Variants in LRPPRC observed in about 807,000 individuals in gnomAD.
LRPPRC encodes the protein leucine rich pentatricopeptide repeat containing, also known as leucine-rich PPR motif-containing protein, mitochondrial.
LRPPRC carries 120 observed loss-of-function variants against 180.3 expected under a neutral mutation model. The observed-to-expected ratio is 0.67, with a 90% CI of 0.57 to 0.77. LRPPRC has a LOEUF of 0.77. Among genes scored for constraint, LRPPRC ranks in the 30% least tolerant of loss-of-function variants. The pLI, the probability that LRPPRC is intolerant of heterozygous loss-of-function variation, is 0.00. For missense variants in LRPPRC, 2,012 were observed against 1,657.2 expected, an observed-to-expected ratio of 1.21 and a Z score of -3.72; for synonymous variants, 723 against 600.0, an observed-to-expected ratio of 1.21 and a Z score of -3.00.
intron 20 of LRPPRC, among the ~76,000 whole-genome samples, chr2:43,946,676 TATAATC>T (rs1486081460): frequency 2.0e-5 from 3 of 152,000 alleles, no homozygotes; most frequent in Admixed American, 1.3e-4. Context: ...AGTAGCAGAT[TATAATC>T]ATAAAGTTAG....
At chr2:43,890,822 T>C (rs759656927) in intron 36 of LRPPRC, among the ~76,000 whole-genome samples, 9 of 152,356 alleles carry the variant, frequency 5.9e-5, no homozygotes, top group Non-Finnish European at 1.2e-4. Context: ...GGCTCTCTAC[T>C]TGTGGCTGAT....
chr2:43,913,986 T>C (rs1671354175), intron 29 of LRPPRC, among the ~76,000 whole-genome samples: 1 of 152,232 alleles, frequency 6.6e-6, no homozygotes, highest in South Asian at 2.1e-4. Context: ...AAGACTTTTA[T>C]TTACTTATTA....
At chr2:43,987,411 C>G (rs1457489413) in intron 1 of LRPPRC, among the ~76,000 whole-genome samples, 1 of 143,202 alleles carries the variant, frequency 7.0e-6, no homozygotes, top group Non-Finnish European at 1.5e-5. Context: ...AGGAGAATGG[C>G]GTTAACCCAG....
At chr2:43,926,543 T>A (rs7559561) in intron 25 of LRPPRC, among the ~76,000 whole-genome samples, 1 of 151,922 alleles carries the variant, frequency 6.6e-6, no homozygotes, top group African/African-American at 2.4e-5. Flanking sequence ...AATTTTTGTA[T>A]TTTTAGTAGA....
intron 14 of LRPPRC, among the ~76,000 whole-genome samples, chr2:43,951,736 T>A (rs1672910355): frequency 6.6e-6 from 1 of 152,182 alleles, no homozygotes; most frequent in Non-Finnish European, 1.5e-5. Flanking sequence ...CGTGAAGGTT[T>A]AAAAATTCCA....
chr2:43,905,100 T>C (rs948130425), intron 31 of LRPPRC, among the ~76,000 whole-genome samples: 2 of 152,224 alleles, frequency 1.3e-5, no homozygotes, highest in Non-Finnish European at 2.9e-5. Flanking sequence ...TGTCATTCTC[T>C]TAACATTAAT....
intron 3 of LRPPRC, 91 bp downstream of exon 3, chr2:43,979,735 G>T: frequency 8.7e-7 from 1 of 1,150,378 alleles, no homozygotes; most frequent in Non-Finnish European, 1.3e-6. Flanking sequence ...CCATAAAACT[G>T]AATTACAGCA....
chr2:43,901,281 A>C (rs1390484663), intron 32 of LRPPRC, 39 bp downstream of exon 32: 3 of 1,539,936 alleles, frequency 1.9e-6, no homozygotes, highest in African/African-American at 2.7e-5. Context: ...TGCCCATTCT[A>C]GTGACCAATG....
intron 17 of LRPPRC, 93 bp from the exon 18 acceptor site, chr2:43,948,292 G>T: frequency 1.1e-6 from 1 of 939,096 alleles, no homozygotes; most frequent in South Asian, 1.3e-5. Flanking sequence ...CATAATTTAA[G>T]TCTCCAACTC....
chr2:43,899,393 CAAAG>C, intron 33 of LRPPRC, 59 bp from the exon 34 acceptor site: 2 of 1,606,542 alleles, frequency 1.2e-6, no homozygotes, highest in Non-Finnish European at 1.7e-6. Flanking sequence ...ACTCACCTAC[CAAAG>C]AAATTTGGTC....
At position 43,974,640 on chromosome 2, in the gene LRPPRC, A is replaced by C. The variant is rs974359587; in HGVS notation, c.983T>G (p.Val328Gly). ...PQYVSEILEK[V>G]TCERRYIPDA... ...TGGAATATATCTTCTTTCACATGTA[A>C]CTTTTTCCAAAATTTCTGAGACATA... Residue 328 changes from valine to glycine, a missense_variant, in exon 8 of 38, where the codon GTT becomes GGT. By Grantham distance (109) the Val-to-Gly change is moderately radical (BLOSUM62 -3). Coordinates refer to ENST00000260665, the MANE Select transcript of LRPPRC (RefSeq NM_133259.4). The C allele has an allele frequency of 1.2e-6, 2 of 1,605,082 alleles. No individual in the cohort carries two copies. Among genetic ancestry groups the C allele is most frequent in the Admixed American group, 3.3e-5 (2 of 59,940 alleles).
At position 43,888,262 on chromosome 2, in the gene LRPPRC, A is replaced by G. The variant is rs1438657031; in HGVS notation, c.*338T>C. The G allele has an allele frequency of 7.2e-6, 2 of 277,032 alleles. No individual in the cohort carries two copies. Among genetic ancestry groups the G allele is most frequent in the Non-Finnish European group, 1.4e-5 (2 of 144,220 alleles). 17.2% of individuals were successfully genotyped at this position (277,032 alleles called of 1,614,324 possible). A position where few individuals can be genotyped will look rare whatever the true frequency, so the allele number is the denominator to read the frequency against. On this transcript the variant is annotated 3_prime_UTR_variant, in exon 38 of 38. Transcript: ENST00000260665. ...AATTTTTCAGAGAAACAGCAGACTA[A>G]TAAGTGAATCTTAAATAAAGGAATA... is the stretch of plus-strand genomic sequence containing the variant.
chr2:43,907,824 A>G (rs1057291123), intron 30 of LRPPRC, among the ~76,000 whole-genome samples: 1 of 152,188 alleles, frequency 6.6e-6, no homozygotes. Flanking sequence ...TTCACATTGG[A>G]CATTTCAGAG....
chr2:43,979,285 T>C (rs182062305), intron 3 of LRPPRC, among the ~76,000 whole-genome samples: 2 of 152,264 alleles, frequency 1.3e-5, no homozygotes, highest in African/African-American at 4.8e-5. Context: ...ATTCTATACA[T>C]ACTGGTCTAC....
chr2:43,939,444 T>G (rs1672397323), intron 23 of LRPPRC, among the ~76,000 whole-genome samples: 1 of 151,990 alleles, frequency 6.6e-6, no homozygotes, highest in Non-Finnish European at 1.5e-5. Flanking sequence ...CGCTCAAATC[T>G]GCAATCACTA....
chr2:43,898,083 A>AAC (rs909386384), intron 34 of LRPPRC, among the ~76,000 whole-genome samples: 6 of 148,378 alleles, frequency 4.0e-5, no homozygotes, highest in African/African-American at 1.6e-4. Context: ...AAAAAAAAAA[A>AAC]AAAAACAAAG....
chr2:43,898,920 T>C lies in LRPPRC; in HGVS notation c.3825+299A>G, dbSNP rs115280310. Among the ~76,000 whole-genome samples the C allele has an allele frequency of 9.2e-3, 1,407 of 152,298 alleles. 21 individuals are homozygous for C. Among genetic ancestry groups the C allele is most frequent in the African/African-American group, 0.032 (1,327 of 41,570 alleles). On this transcript the variant is annotated intron_variant, in intron 34 of 37. Transcript: ENST00000260665. ...GCATTATCTATCTGCACAGAAAGATTTGTCTTTAATCATTTCAGCGAAACT... is the reference window on the plus strand; with the variant it reads ...GCATTATCTATCTGCACAGAAAGATCTGTCTTTAATCATTTCAGCGAAACT...
intron 23 of LRPPRC, 49 bp downstream of exon 23, chr2:43,943,638 C>T: frequency 2.1e-6 from 3 of 1,456,824 alleles, no homozygotes; most frequent in Non-Finnish European, 2.9e-6. Context: ...AATTATTAGA[C>T]TCATTCTTTT....
In LRPPRC at chr2:43,945,397, G is replaced by A. The variant is rs755851547; in HGVS notation, c.2231C>T (p.Ala744Val). The A allele has an allele frequency of 1.2e-6, 2 of 1,610,966 alleles. No homozygotes were observed. The highest frequency in any genetic ancestry group is 1.1e-5 in the South Asian group (1 of 91,026). The part of the protein sequence containing the change: ...KEEFDRLDSS[A>V]VLDTGKYVGL... Reference sequence around the variant, plus strand: ...TACATACTTGCCGGTGTCAAGGACAGCAGATGAATCTAAGCGGTCACTAAA... The same window carrying A: ...TACATACTTGCCGGTGTCAAGGACAACAGATGAATCTAAGCGGTCACTAAA... The change falls in exon 22 of 38, where the codon GCT becomes GTT. Residue 744 changes from alanine to valine, a missense_variant. Ala to Val is a moderately conservative substitution (Grantham distance 64). Coordinates refer to ENST00000260665, the MANE Select transcript of LRPPRC (RefSeq NM_133259.4).
Sources: allele counts gnomAD v4.1 joint callset (sites outside exome capture counted in the v4.1 genomes callset), GRCh38; gene constraint gnomAD v4.1.1; transcripts MANE v1.5; gene names NCBI Gene and HGNC (gene_info 2026-07-23, HGNC 2026-07-21).